Variants in TG observed in about 807,000 individuals in gnomAD.
TG encodes thyroid hormones.
In TG, 270 loss-of-function variants were observed where a neutral mutation model predicts 324.7. The observed-to-expected ratio is 0.83, with a 90% CI of 0.75 to 0.92. The LOEUF is 0.92. Among genes scored for constraint, TG ranks in the 40% least tolerant of loss-of-function variants. The pLI is 0.00. For missense variants in TG, 3,591 were observed against 3,456.4 expected (o/e 1.04, Z -0.98); for synonymous variants, 1,401 against 1,327.0 (o/e 1.06, Z -1.21).
chr8:132,920,907 A>G (rs1056481441), intron 21 of TG, among the ~76,000 whole-genome samples: 1 of 152,238 alleles, frequency 6.6e-6, no homozygotes, highest in African/African-American at 2.4e-5. Flanking sequence ...AAATTACCAT[A>G]CACTGGGTTG....
At chr8:132,975,297 C>A (rs537629004) in intron 34 of TG, among the ~76,000 whole-genome samples, 12 of 152,082 alleles carry the variant, frequency 7.9e-5, no homozygotes, top group Non-Finnish European at 1.6e-4. Context: ...ATGGAAGAAT[C>A]GGGTAAAAAG....
chr8:132,992,774 T>C (rs1238236194), intron 35 of TG, among the ~76,000 whole-genome samples: 2 of 152,170 alleles, frequency 1.3e-5, no homozygotes, highest in African/African-American at 4.8e-5. Flanking sequence ...GGTCACTTCC[T>C]CCAAGGGATG....
chr8:133,078,486 C>G (rs1169472692), intron 41 of TG, among the ~76,000 whole-genome samples: 1 of 152,208 alleles, frequency 6.6e-6, no homozygotes, highest in Non-Finnish European at 1.5e-5. Flanking sequence ...CTCAGTGATT[C>G]ACACACCTTT....
chr8:132,898,050 G>C (rs1217431957), intron 12 of TG, 119 bp from the exon 13 acceptor site: 2 of 1,051,710 alleles, frequency 1.9e-6, no homozygotes, highest in Non-Finnish European at 2.9e-6. Context: ...GTCTAGACTG[G>C]GGACAGAAGG....
intron 41 of TG, chr8:133,045,125 G>A (rs1564110318): frequency 6.2e-7 from 1 of 1,613,918 alleles, no homozygotes; most frequent in Non-Finnish European, 8.5e-7. Flanking sequence ...CCTGCAGGAG[G>A]TGGAGGATAA....
chr8:133,105,393 AG>A (rs931823598), intron 43 of TG, among the ~76,000 whole-genome samples: 2 of 152,146 alleles, frequency 1.3e-5, no homozygotes, highest in African/African-American at 4.8e-5. Flanking sequence ...TCGTAGGCAC[AG>A]GCTACAGCAA....
intron 11 of TG, among the ~76,000 whole-genome samples, chr8:132,894,461 C>CTT (rs879482195): frequency 1.4e-5 from 2 of 142,532 alleles, no homozygotes; most frequent in East Asian, 4.1e-4. Flanking sequence ...GAACAGTATG[C>CTT]TTTTTTTTTT....
intron 43 of TG, chr8:133,102,827 C>T: frequency 2.3e-6 from 1 of 431,880 alleles, no homozygotes; most frequent in Non-Finnish European, 4.3e-6. Flanking sequence ...AAATCAGAAA[C>T]AGAGCGCCTC....
chr8:132,970,627 A>G (rs1829371605), intron 32 of TG, among the ~76,000 whole-genome samples: 1 of 152,176 alleles, frequency 6.6e-6, no homozygotes, highest in Non-Finnish European at 1.5e-5. Flanking sequence ...GAGGCAGGCT[A>G]GTCTGTCTTG....
intron 20 of TG, among the ~76,000 whole-genome samples, chr8:132,915,796 T>C (rs1820205467): frequency 6.6e-6 from 1 of 152,190 alleles, no homozygotes; most frequent in South Asian, 2.1e-4. Flanking sequence ...TTGCTCTAGA[T>C]AAACCTACAC....
intron 30 of TG, 128 bp downstream of exon 30, chr8:132,966,825 T>A: frequency 1.7e-6 from 2 of 1,147,150 alleles, no homozygotes; most frequent in Admixed American, 3.5e-5. Context: ...TCACTGTGGA[T>A]GATATAAAAG....
intron 35 of TG, among the ~76,000 whole-genome samples, chr8:133,003,578 T>A (rs749658298): frequency 4.6e-5 from 7 of 152,174 alleles, no homozygotes; most frequent in Non-Finnish European, 8.8e-5. Context: ...TAAATATGTA[T>A]AATTATAATC....
At chr8:133,118,437 G>A (rs181847196) in intron 45 of TG, among the ~76,000 whole-genome samples, 52 of 144,388 alleles carry the variant, frequency 3.6e-4, no homozygotes, top group East Asian at 1.5e-3. Flanking sequence ...CAATTCTCCC[G>A]CCTCAGCCTC....
chr8:132,952,815 A>C (rs1826307718), intron 27 of TG, among the ~76,000 whole-genome samples: 1 of 152,198 alleles, frequency 6.6e-6, no homozygotes, highest in Non-Finnish European at 1.5e-5. Context: ...TGAAGTTTGG[A>C]GCTGTGACTT....
chr8:133,050,248 A>G, intron 41 of TG: 1 of 513,400 alleles, frequency 1.9e-6, no homozygotes. Flanking sequence ...AGGGATTAGC[A>G]GCTAATGTTC....
At chr8:132,889,944 T>C (rs1047681324) in intron 10 of TG, among the ~76,000 whole-genome samples, 1 of 146,208 alleles carries the variant, frequency 6.8e-6, no homozygotes, top group Admixed American at 6.7e-5. Flanking sequence ...ACCCAGCTAA[T>C]TTTTTTTTTG....
intron 41 of TG, chr8:133,040,111 G>A (rs866084776): frequency 3.8e-6 from 6 of 1,575,594 alleles, no homozygotes; most frequent in East Asian, 2.3e-5. Flanking sequence ...TGAGCACACA[G>A]CACAGGCCAT....
At chr8:132,978,009 T>A (rs1830385937) in intron 34 of TG, among the ~76,000 whole-genome samples, 1 of 152,254 alleles carries the variant, frequency 6.6e-6, no homozygotes, top group South Asian at 2.1e-4. Flanking sequence ...TAAGCATTAC[T>A]GTATGTCAGA....
At chr8:133,061,802 C>A (rs563859874) in intron 41 of TG, among the ~76,000 whole-genome samples, 1 of 152,148 alleles carries the variant, frequency 6.6e-6, no homozygotes, top group South Asian at 2.1e-4. Context: ...TGTACAGGTT[C>A]TGGAAAGAAG....
Sources: gnomAD v4.1 joint callset for allele counts (sites outside exome capture counted in the v4.1 genomes callset) on GRCh38, gnomAD v4.1.1 for gene constraint, MANE v1.5 for transcripts, NCBI Gene and HGNC (gene_info 2026-07-23, HGNC 2026-07-21) for gene names.